Variants in NEDD4L observed in about 807,000 individuals in gnomAD.
NEDD4L encodes NEDD4 like E3 ubiquitin protein ligase, also known as E3 ubiquitin-protein ligase NEDD4-like.
A neutral mutation model predicts 148.9 loss-of-function variants in NEDD4L; 54 were observed. The observed-to-expected ratio is 0.36, with a 90% CI of 0.29 to 0.45. The LOEUF is 0.45. Ranked by LOEUF, NEDD4L falls within the 20% of genes least tolerant of loss-of-function variation. The probability of loss-of-function intolerance (pLI) is 1.00; values close to 1 mark genes in which losing one functional copy is unlikely to be tolerated. For missense variants in NEDD4L, 856 were observed against 1,233.8 expected, an observed-to-expected ratio of 0.69 and a Z score of 4.59; for synonymous variants, 433 against 440.7, an observed-to-expected ratio of 0.98 and a Z score of 0.22.
At chr18:58,311,056 G>A (rs6566959) in intron 5 of NEDD4L, among the ~76,000 whole-genome samples, 78,679 of 151,832 alleles carry the variant, frequency 0.52, 20,883 homozygotes, top group African/African-American at 0.64. Flanking sequence ...TTTGAGGATG[G>A]AACCCCAGAC....
intron 5 of NEDD4L, among the ~76,000 whole-genome samples, chr18:58,257,701 C>G (rs1018000262): frequency 6.6e-6 from 1 of 152,134 alleles, no homozygotes; most frequent in Non-Finnish European, 1.5e-5. Flanking sequence ...GCTGCACGCT[C>G]CATCGACCAG....
intron 5 of NEDD4L, among the ~76,000 whole-genome samples, chr18:58,265,016 A>C (rs1235059658): frequency 6.6e-6 from 1 of 152,044 alleles, no homozygotes. Flanking sequence ...CTAGCAGAAG[A>C]AGCCTTACTC....
At chr18:58,127,225 G>C (rs1205763223) in intron 1 of NEDD4L, among the ~76,000 whole-genome samples, 1 of 152,208 alleles carries the variant, frequency 6.6e-6, no homozygotes, top group Admixed American at 6.5e-5. Flanking sequence ...AAGGTCCTCC[G>C]TGGTATTAGC....
In NEDD4L at chr18:58,399,314, A is replaced by G. The variant is rs1351098661; in HGVS notation, c.*3045A>G. The G allele has an allele frequency of 2.6e-5, 4 of 152,152 alleles. No homozygotes were observed. Among genetic ancestry groups the G allele is most frequent in the Non-Finnish European group, 5.9e-5 (4 of 68,040 alleles). 9.4% of individuals were successfully genotyped at this position (152,152 alleles called of 1,614,324 possible). On this transcript the variant is annotated 3_prime_UTR_variant, in exon 31 of 31. Transcript: ENST00000400345. The stretch of plus-strand genomic sequence containing the variant: ...CTTTTCCTTTTTGCCTGAAATGTTT[A>G]TGCTTCTCTGCAGCCAGTCCTCTAA...
chr18:58,137,941 T>C (rs1363524701), intron 1 of NEDD4L, among the ~76,000 whole-genome samples: 1 of 152,204 alleles, frequency 6.6e-6, no homozygotes, highest in Non-Finnish European at 1.5e-5. Flanking sequence ...CTCTTTTCAG[T>C]GTGCTCAGAC....
chr18:58,274,705 C>T (rs1876181706), intron 5 of NEDD4L, among the ~76,000 whole-genome samples: 2 of 152,194 alleles, frequency 1.3e-5, no homozygotes, highest in Non-Finnish European at 2.9e-5. Flanking sequence ...ATTTAATAGG[C>T]AGATGATGAA....
In NEDD4L at chr18:58,373,007, T is replaced by A. The variant is rs1374950839; in HGVS notation, c.2257-167T>A. The A allele has an allele frequency of 5.7e-6, 3 of 525,486 alleles. No individual in the cohort carries two copies. The Admixed American group carries it at 9.2e-5, about 16-fold the overall frequency. 32.6% of individuals were successfully genotyped at this position (525,486 alleles called of 1,614,324 possible). On this transcript the variant is annotated intron_variant, in intron 23 of 30. Coordinates refer to ENST00000400345, the MANE Select transcript of NEDD4L (RefSeq NM_001144967.3). ...ACAACTAAAGCAGTTTGTTTGTTTATAGTTTAAAGAGGAAGGTTTGGTTTA... is the reference window on the plus strand; with the variant it reads ...ACAACTAAAGCAGTTTGTTTGTTTAAAGTTTAAAGAGGAAGGTTTGGTTTA...
chr18:58,122,317 C>A (rs1367174316), intron 1 of NEDD4L, among the ~76,000 whole-genome samples: 1 of 151,998 alleles, frequency 6.6e-6, no homozygotes, highest in Non-Finnish European at 1.5e-5. Context: ...CTGGCCAACA[C>A]GGTGAAACCC....
At position 58,245,428 on chromosome 18, in the gene NEDD4L, G is replaced by C; in HGVS notation, c.124G>C (p.Asp42His). 1 of 1,490,494 alleles carries C rather than the reference G, an allele frequency of 6.7e-7. No individual in the cohort carries two copies. Among genetic ancestry groups the C allele is most frequent in the Non-Finnish European group, 9.2e-7 (1 of 1,081,566 alleles). 92.3% of individuals were successfully genotyped at this position (1,490,494 alleles called of 1,614,324 possible). A position where few individuals can be genotyped will look rare whatever the true frequency, so the allele number is the denominator to read the frequency against. Reference protein sequence around the residue: ...LAKKDIFGASDPYVKLSLYVA... With the variant: ...LAKKDIFGASHPYVKLSLYVA... Reference sequence around the variant, plus strand: ...TAAATCTAAAATATTTTCTTACAGTGATCCGTATGTGAAACTTTCATTGTA... The same window carrying C: ...TAAATCTAAAATATTTTCTTACAGTCATCCGTATGTGAAACTTTCATTGTA... The change falls in exon 3 of 31, where the codon GAT (aspartate) becomes CAT (histidine). Residue 42 changes from aspartate to histidine, a missense_variant and splice_region_variant. By Grantham distance (81) the Asp-to-His change is moderately conservative. Around this residue, in one of 4 missense-constraint regions of NEDD4L, gnomAD observed 193 missense variants for 244.2 expected, o/e 0.79. Coordinates refer to ENST00000400345, the MANE Select transcript of NEDD4L (RefSeq NM_001144967.3).
intron 2 of NEDD4L, among the ~76,000 whole-genome samples, chr18:58,222,872 A>C (rs1477782447): frequency 6.6e-6 from 1 of 152,216 alleles, no homozygotes; most frequent in Non-Finnish European, 1.5e-5. Context: ...AGTACTTTAC[A>C]CATGTTTGAA....
chr18:58,169,394 C>G (rs182990526), intron 2 of NEDD4L, among the ~76,000 whole-genome samples: 1 of 152,052 alleles, frequency 6.6e-6, no homozygotes, highest in Non-Finnish European at 1.5e-5. Context: ...TAAACTGGGA[C>G]GCTTTTGTCT....
chr18:58,322,375 A>C (rs764454795), intron 6 of NEDD4L, 50 bp from the exon 7 acceptor site: 5 of 1,286,430 alleles, frequency 3.9e-6, no homozygotes, highest in Non-Finnish European at 4.5e-6. Flanking sequence ...TATCTAAAAC[A>C]TGAAATTATT....
chr18:58,333,742 T>TA (rs748332949), intron 11 of NEDD4L, 76 bp from the exon 12 acceptor site: 4 of 962,256 alleles, frequency 4.2e-6, no homozygotes, highest in Non-Finnish European at 6.7e-6. Flanking sequence ...GGTTGAGTGA[T>TA]ATGTTTGTTA....
chr18:58,045,426 A>T, intron 1 of NEDD4L: 1 of 323,794 alleles, frequency 3.1e-6, no homozygotes. Context: ...GGGGAGAGGA[A>T]AGCTTAATTG....
chr18:58,253,758 T>A (rs2048186680), intron 5 of NEDD4L, among the ~76,000 whole-genome samples: 1 of 152,224 alleles, frequency 6.6e-6, no homozygotes, highest in African/African-American at 2.4e-5. Context: ...AAATTCACTG[T>A]TAAAAAATTG....
chr18:58,149,465 G>T, intron 1 of NEDD4L: 1 of 1,548,936 alleles, frequency 6.5e-7, no homozygotes, highest in Non-Finnish European at 8.7e-7. Context: ...ATACTCTTCA[G>T]AACTTGCTCT....
chr18:58,074,241 T>C (rs939802675), intron 1 of NEDD4L, among the ~76,000 whole-genome samples: 1 of 151,314 alleles, frequency 6.6e-6, no homozygotes, highest in African/African-American at 2.4e-5. Flanking sequence ...TTTGCTCTTA[T>C]CCTCCCAAAA....
chr18:58,139,358 T>C (rs936056490), intron 1 of NEDD4L, among the ~76,000 whole-genome samples: 4 of 142,920 alleles, frequency 2.8e-5, no homozygotes, highest in African/African-American at 7.6e-5. Context: ...CAGTTACATA[T>C]TTTGGGAGAC....
intron 1 of NEDD4L, among the ~76,000 whole-genome samples, chr18:58,138,595 G>A (rs2033134453): frequency 6.6e-6 from 1 of 152,136 alleles, no homozygotes; most frequent in East Asian, 1.9e-4. Flanking sequence ...GAGTACCATA[G>A]GCTGGGTGGC....
Sources: gnomAD v4.1 joint callset for allele counts (sites outside exome capture counted in the v4.1 genomes callset) on GRCh38, gnomAD v4.1.1 for gene constraint, gnomAD v4.1.1 regional missense constraint, MANE v1.5 for transcripts, NCBI Gene and HGNC (gene_info 2026-07-23, HGNC 2026-07-21) for gene names.